The following CNBD1 variants were observed in gnomAD, a reference collection of about 807,000 sequenced individuals.
The protein encoded by CNBD1 is cyclic nucleotide binding domain containing 1.
CNBD1 carries 71 observed loss-of-function variants against 54.4 expected under a neutral mutation model. The ratio of observed to expected loss-of-function variants is 1.30; its 90% CI spans 1.08 to 1.59. The LOEUF (loss-of-function observed/expected upper bound fraction) is 1.59. CNBD1 is among the 40% of genes most tolerant of loss of function. The pLI, the probability that CNBD1 is intolerant of heterozygous loss-of-function variation, is 0.00. For missense variants in CNBD1, 659 were observed against 518.0 expected, an observed-to-expected ratio of 1.27 and a Z score of -2.64; for synonymous variants, 182 against 170.7, an observed-to-expected ratio of 1.07 and a Z score of -0.51.
intron 4 of CNBD1, among the ~76,000 whole-genome samples, chr8:87,102,735 T>A (rs1362048387): frequency 6.6e-6 from 1 of 152,098 alleles, no homozygotes; most frequent in East Asian, 1.9e-4. Context: ...TGCCTCGGTG[T>A]CCTGAGCAGC....
At chr8:87,082,466 T>C (rs1218862429) in intron 4 of CNBD1, among the ~76,000 whole-genome samples, 3 of 152,258 alleles carry the variant, frequency 2.0e-5, no homozygotes, top group African/African-American at 4.8e-5. Context: ...TTTATAGTCA[T>C]GTAATGTCCT....
At chr8:87,305,493 T>C (rs973326633) in intron 8 of CNBD1, among the ~76,000 whole-genome samples, 1 of 152,132 alleles carries the variant, frequency 6.6e-6, no homozygotes, top group African/African-American at 2.4e-5. Flanking sequence ...TCACACTACC[T>C]GATTTCAAAC....
chr8:87,108,578 C>T (rs1479128701), intron 4 of CNBD1, among the ~76,000 whole-genome samples: 1 of 152,160 alleles, frequency 6.6e-6, no homozygotes, highest in Non-Finnish European at 1.5e-5. Context: ...GGAATTTGCT[C>T]TTGAAATTTT....
intron 8 of CNBD1, among the ~76,000 whole-genome samples, chr8:87,311,466 G>T (rs981357668): frequency 2.0e-5 from 3 of 152,114 alleles, no homozygotes; most frequent in Non-Finnish European, 4.4e-5. Context: ...TGGTGAGGCT[G>T]CAGAGAAAAG....
At chr8:86,883,849 T>A (rs534305234) in intron 1 of CNBD1, among the ~76,000 whole-genome samples, 1 of 152,328 alleles carries the variant, frequency 6.6e-6, no homozygotes, top group South Asian at 2.1e-4. Flanking sequence ...TGATAATTTG[T>A]TGTAAAACAT....
intron 8 of CNBD1, among the ~76,000 whole-genome samples, chr8:87,329,677 G>A (rs1247290133): frequency 1.3e-5 from 2 of 151,932 alleles, no homozygotes; most frequent in Admixed American, 6.6e-5. Context: ...ATAATATTAT[G>A]TTTTTAATTT....
intron 4 of CNBD1, among the ~76,000 whole-genome samples, chr8:87,177,748 A>G (rs1261264469): frequency 6.6e-6 from 1 of 152,170 alleles, no homozygotes; most frequent in Non-Finnish European, 1.5e-5. Flanking sequence ...GATGCAATTA[A>G]GTTCTTATTA....
intron 4 of CNBD1, among the ~76,000 whole-genome samples, chr8:87,176,470 G>A (rs1222956208): frequency 6.8e-6 from 1 of 146,484 alleles, no homozygotes; most frequent in African/African-American, 2.5e-5. Context: ...TCACTTTTCA[G>A]TTTTAAGTTA....
At chr8:87,186,269 T>A (rs552719471) in intron 4 of CNBD1, among the ~76,000 whole-genome samples, 2 of 152,282 alleles carry the variant, frequency 1.3e-5, no homozygotes, top group Non-Finnish European at 2.9e-5. Flanking sequence ...TTCATTCTAC[T>A]AAAGTTTTTC....
chr8:86,954,750 C>A (rs1807716870), intron 4 of CNBD1, among the ~76,000 whole-genome samples: 1 of 152,174 alleles, frequency 6.6e-6, no homozygotes, highest in African/African-American at 2.4e-5. Context: ...CAGATAAGGT[C>A]TGACTATTTT....
At chr8:87,150,255 A>T (rs1812576723) in intron 4 of CNBD1, among the ~76,000 whole-genome samples, 1 of 152,164 alleles carries the variant, frequency 6.6e-6, no homozygotes, top group Admixed American at 6.5e-5. Context: ...CAGGTATTTG[A>T]TTTAGAAAGC....
intron 4 of CNBD1, among the ~76,000 whole-genome samples, chr8:87,085,514 G>T (rs1035702985): frequency 6.6e-6 from 1 of 152,104 alleles, no homozygotes; most frequent in Non-Finnish European, 1.5e-5. Flanking sequence ...ATAGTCAGAA[G>T]TTGAGCTAGT....
At chr8:87,047,133 G>T (rs1264180710) in intron 4 of CNBD1, among the ~76,000 whole-genome samples, 1 of 152,050 alleles carries the variant, frequency 6.6e-6, no homozygotes, top group Non-Finnish European at 1.5e-5. Flanking sequence ...GTGTAATGTT[G>T]CAGTATTTGA....
chr8:86,866,561 TC>T lies in CNBD1; in HGVS notation c.68del (p.Pro23LeufsTer9), dbSNP rs780175600. The T allele has an allele frequency of 6.2e-7, 1 of 1,610,492 alleles. No homozygotes were observed. Among genetic ancestry groups the T allele is most frequent in the South Asian group, 1.1e-5 (1 of 90,108 alleles). On this transcript the variant is annotated frameshift_variant, in exon 1 of 11. Transcript: ENST00000518476. LOFTEE classifies it high-confidence loss of function. The stretch of plus-strand genomic sequence containing the variant: ...TGACAGCTATTAACAATGTGCCTCC[TC>T]CTCCACTTCACAGTATACCAAGTGA... ...HMTAINNVPP[P>X]PLHSIPNLKK...
chr8:87,403,168 A>G (rs573125439), intron 2 of CNBD1, among the ~76,000 whole-genome samples: 13 of 152,016 alleles, frequency 8.6e-5, no homozygotes, highest in Non-Finnish European at 1.6e-4. Flanking sequence ...ACATCACTAC[A>G]GCTGATGTTT....
intron 4 of CNBD1, among the ~76,000 whole-genome samples, chr8:87,069,219 C>T (rs1384941500): frequency 6.6e-6 from 1 of 151,972 alleles, no homozygotes; most frequent in Non-Finnish European, 1.5e-5. Flanking sequence ...CCCTGGCTGC[C>T]TCTGCTGTTG....
At chr8:87,427,650 A>T (rs1032658767) in intron 2 of CNBD1, among the ~76,000 whole-genome samples, 3 of 152,242 alleles carry the variant, frequency 2.0e-5, no homozygotes, top group Admixed American at 6.5e-5. Flanking sequence ...TAAATAATTT[A>T]AAATGCTTTC....
chr8:87,307,285 G>A (rs1809176329), intron 8 of CNBD1, among the ~76,000 whole-genome samples: 2 of 152,142 alleles, frequency 1.3e-5, no homozygotes, highest in Non-Finnish European at 2.9e-5. Flanking sequence ...AATTTAACTG[G>A]CATTAATTGA....
chr8:87,229,781 A>G (rs1814626640), intron 5 of CNBD1, among the ~76,000 whole-genome samples: 1 of 152,180 alleles, frequency 6.6e-6, no homozygotes, highest in African/African-American at 2.4e-5. Context: ...TATATGTCTG[A>G]AATTAAAAAA....
Sources: allele counts gnomAD v4.1 joint callset (sites outside exome capture counted in the v4.1 genomes callset), GRCh38; gene constraint gnomAD v4.1.1; transcripts MANE v1.5; gene names NCBI Gene and HGNC (gene_info 2026-07-23, HGNC 2026-07-21).